The following GMDS variants were observed in gnomAD, a reference collection of about 807,000 sequenced individuals.
GMDS encodes the protein GDP-mannose 4,6-dehydratase, also known as GDP-mannose 4,6 dehydratase.
Under a neutral mutation model 49.9 loss-of-function variants are expected in GMDS, and 20 were observed. The observed-to-expected ratio is 0.40, with a 90% CI of 0.28 to 0.58. The LOEUF (loss-of-function observed/expected upper bound fraction) is 0.58, where lower values mean the gene tolerates loss of function less well. Ranked by LOEUF, GMDS falls within the 20% of genes least tolerant of loss-of-function variation. The pLI is 0.42. For missense variants in GMDS, 362 were observed against 481.4 expected, an observed-to-expected ratio of 0.75 and a Z score of 2.32; for synonymous variants, 177 against 178.6, an observed-to-expected ratio of 0.99 and a Z score of 0.07.
intron 4 of GMDS, among the ~76,000 whole-genome samples, chr6:2,077,383 C>G (rs1289858298): frequency 6.6e-6 from 1 of 152,086 alleles, no homozygotes; most frequent in Non-Finnish European, 1.5e-5. Context: ...AGACTTTCAA[C>G]TTTTCCCCAT....
At chr6:2,240,961 A>C (rs1157784232) in intron 1 of GMDS, among the ~76,000 whole-genome samples, 1 of 152,238 alleles carries the variant, frequency 6.6e-6, no homozygotes, top group Non-Finnish European at 1.5e-5. Flanking sequence ...AAGAAAGCCA[A>C]TGGTGCTGGG....
At chr6:2,186,725 G>A (rs1422515509) in intron 1 of GMDS, among the ~76,000 whole-genome samples, 2 of 152,130 alleles carry the variant, frequency 1.3e-5, no homozygotes, top group Admixed American at 6.5e-5. Flanking sequence ...ACACAGTTTC[G>A]CTTAGGAGGA....
intron 4 of GMDS, among the ~76,000 whole-genome samples, chr6:1,975,638 A>G (rs1383532741): frequency 6.6e-6 from 1 of 152,360 alleles, no homozygotes; most frequent in East Asian, 1.9e-4. Context: ...GTTTTTCCAG[A>G]AAAGTAGAAA....
At chr6:2,136,432 T>A (rs1356239908) in intron 1 of GMDS, among the ~76,000 whole-genome samples, 1 of 152,238 alleles carries the variant, frequency 6.6e-6, no homozygotes, top group African/African-American at 2.4e-5. Flanking sequence ...AAGAACTGAT[T>A]TGGGCCAGGC....
chr6:2,230,953 C>CT lies in GMDS; in HGVS notation c.102+14367_102+14368insA, dbSNP rs1554100724. Among the ~76,000 whole-genome samples the CT allele has an allele frequency of 9.4e-5, 10 of 105,958 alleles. 1 individual carries two copies. Among genetic ancestry groups the CT allele is most frequent in the South Asian group, 1.0e-3 (2 of 1,950 alleles). 69.5% of individuals were successfully genotyped at this position (105,958 alleles called of 152,430 possible). ...CTTCCCCCCTCCCACCCCCCCCCCC[C>CT]GTTCCTTCCCCTAATACCCAGGGTT... On this transcript the variant is annotated intron_variant, in intron 1 of 10. Coordinates refer to ENST00000380815, the MANE Select transcript of GMDS (RefSeq NM_001500.4).
At chr6:2,221,291 A>T (rs1780575065) in intron 1 of GMDS, among the ~76,000 whole-genome samples, 1 of 152,316 alleles carries the variant, frequency 6.6e-6, no homozygotes, top group South Asian at 2.1e-4. Flanking sequence ...ATCATGATTT[A>T]TCCATCTGTT....
chr6:1,637,048 C>T (rs1273200934), intron 9 of GMDS, among the ~76,000 whole-genome samples: 2 of 152,228 alleles, frequency 1.3e-5, no homozygotes, highest in African/African-American at 4.8e-5. Flanking sequence ...CGCACTGTGC[C>T]TCCTAGCCCA....
chr6:2,036,400 T>C (rs1769309052), intron 4 of GMDS, among the ~76,000 whole-genome samples: 1 of 152,084 alleles, frequency 6.6e-6, no homozygotes, highest in Admixed American at 6.6e-5. Flanking sequence ...CATTAATAGG[T>C]TTGCTAACTG....
At position 1,921,285 on chromosome 6, in the gene GMDS, T is replaced by A. The variant is rs184073914; in HGVS notation, c.771+8818A>T. Among the ~76,000 whole-genome samples the A allele has an allele frequency of 2.3e-3, 353 of 152,354 alleles. 3 individuals carry two copies. The highest frequency in any genetic ancestry group is 7.9e-3 in the African/African-American group (328 of 41,588). On this transcript the variant is annotated intron_variant, in intron 7 of 10. Coordinates refer to ENST00000380815, the MANE Select transcript of GMDS (RefSeq NM_001500.4). ...TCAAACTGAAAATGTGATCTAAGAA[T>A]GCACCCAGTCTCATGTTTCTAAACT...
At chr6:1,776,065 C>G (rs754651960) in intron 7 of GMDS, among the ~76,000 whole-genome samples, 5 of 152,138 alleles carry the variant, frequency 3.3e-5, no homozygotes, top group Non-Finnish European at 7.4e-5. Context: ...TGGAATGACA[C>G]GGGCAGCCAG....
chr6:1,689,339 A>T (rs566816678), intron 9 of GMDS, among the ~76,000 whole-genome samples: 4 of 152,224 alleles, frequency 2.6e-5, no homozygotes, highest in Non-Finnish European at 5.9e-5. Context: ...GGCCTACCTC[A>T]CAATGAATAC....
chr6:1,967,006 T>C (rs2761244), intron 4 of GMDS, among the ~76,000 whole-genome samples: 95,426 of 151,834 alleles, frequency 0.63, 30,064 homozygotes, highest in Admixed American at 0.66. Context: ...CTACCACACT[T>C]ATCCCCCACT....
intron 1 of GMDS, among the ~76,000 whole-genome samples, chr6:2,231,555 C>T (rs1364265865): frequency 3.3e-5 from 5 of 151,964 alleles, no homozygotes; most frequent in Non-Finnish European, 5.9e-5. Flanking sequence ...TAGAGCCAGA[C>T]CTTGTCTCCA....
intron 7 of GMDS, among the ~76,000 whole-genome samples, chr6:1,794,915 G>A (rs2113644255): frequency 6.6e-6 from 1 of 152,326 alleles, no homozygotes; most frequent in East Asian, 1.9e-4. Context: ...TCAAGGTGCG[G>A]TGGCTCACCC....
intron 8 of GMDS, among the ~76,000 whole-genome samples, chr6:1,742,176 T>C (rs899006049): frequency 2.6e-5 from 4 of 152,056 alleles, no homozygotes; most frequent in Non-Finnish European, 4.4e-5. Flanking sequence ...TGTCTCGGCT[T>C]CCCAAAGTGC....
chr6:1,813,340 G>A (rs1262936896), intron 7 of GMDS, among the ~76,000 whole-genome samples: 1 of 150,954 alleles, frequency 6.6e-6, no homozygotes, highest in Non-Finnish European at 1.5e-5. Flanking sequence ...TTTTTTCTAA[G>A]CTAATCACTT....
intron 1 of GMDS, among the ~76,000 whole-genome samples, chr6:2,202,432 T>TC: frequency 1.0e-5 from 1 of 95,366 alleles, no homozygotes; most frequent in Admixed American, 1.3e-4. Context: ...CCAATTTCTT[T>TC]CTATTTTTTT....
chr6:1,687,726 G>C (rs531024418), intron 9 of GMDS, among the ~76,000 whole-genome samples: 1 of 152,192 alleles, frequency 6.6e-6, no homozygotes, highest in Non-Finnish European at 1.5e-5. Flanking sequence ...CTCTGATGCA[G>C]AGACTGAAAG....
chr6:2,081,193 C>T (rs1171977993), intron 4 of GMDS, among the ~76,000 whole-genome samples: 1 of 152,034 alleles, frequency 6.6e-6, no homozygotes, highest in Non-Finnish European at 1.5e-5. Flanking sequence ...GTAAAATCAG[C>T]ACTTCTGTGG....
Sources: allele counts gnomAD v4.1 joint callset (sites outside exome capture counted in the v4.1 genomes callset), GRCh38; gene constraint gnomAD v4.1.1; transcripts MANE v1.5; gene names NCBI Gene and HGNC (gene_info 2026-07-23, HGNC 2026-07-21).